Variants in KDM7A observed in about 807,000 individuals in gnomAD.
The protein encoded by KDM7A is lysine demethylase 7A, also known as lysine-specific demethylase 7A.
In KDM7A, 28 loss-of-function variants were observed where a neutral mutation model predicts 114.8. The ratio of observed to expected loss-of-function variants is 0.24; its 90% confidence interval spans 0.18 to 0.33. KDM7A has a LOEUF of 0.33. Among genes scored for constraint, KDM7A ranks in the 10% least tolerant of loss-of-function variants. KDM7A has a pLI of 1.00. For synonymous variants in KDM7A, 423 were observed against 397.8 expected, an observed-to-expected ratio of 1.06 and a Z score of -0.75; for missense variants, 942 against 1,142.5, an observed-to-expected ratio of 0.82 and a Z score of 2.53.
At chr7:140,170,609 A>C (rs1794628092) in intron 1 of KDM7A, among the ~76,000 whole-genome samples, 2 of 152,256 alleles carry the variant, frequency 1.3e-5, no homozygotes, top group Non-Finnish European at 2.9e-5. Flanking sequence ...TGATAATAAT[A>C]GCAATTACTC....
At chr7:140,092,706 A>G (rs1490091361) in intron 18 of KDM7A, among the ~76,000 whole-genome samples, 1 of 152,248 alleles carries the variant, frequency 6.6e-6, no homozygotes, top group African/African-American at 2.4e-5. Context: ...AACAGAGTAC[A>G]CTATAGTGTG....
At chr7:140,135,702 GTATATAT>G (rs892018735) in intron 2 of KDM7A, among the ~76,000 whole-genome samples, 5 of 152,038 alleles carry the variant, frequency 3.3e-5, no homozygotes, top group Middle Eastern at 6.8e-3. Context: ...ATTCATGTTT[GTATATAT>G]TAATGTTTCC....
intron 11 of KDM7A, among the ~76,000 whole-genome samples, chr7:140,103,869 C>T (rs1441267292): frequency 6.6e-6 from 1 of 152,154 alleles, no homozygotes; most frequent in Non-Finnish European, 1.5e-5. Context: ...AGTTCTAGAT[C>T]CCTGAGGAAT....
At chr7:140,140,614 A>T (rs1794258355) in intron 1 of KDM7A, among the ~76,000 whole-genome samples, 1 of 152,126 alleles carries the variant, frequency 6.6e-6, no homozygotes, top group Non-Finnish European at 1.5e-5. Flanking sequence ...TCTCTACTAA[A>T]AATACAAAAA....
intron 1 of KDM7A, among the ~76,000 whole-genome samples, chr7:140,159,802 A>C (rs1322252223): frequency 6.6e-6 from 1 of 152,180 alleles, no homozygotes; most frequent in East Asian, 1.9e-4. Flanking sequence ...TGCAATCAGC[A>C]TATCACTGGC....
At chr7:140,106,125 C>T (rs1156386297) in intron 11 of KDM7A, among the ~76,000 whole-genome samples, 6 of 152,104 alleles carry the variant, frequency 3.9e-5, no homozygotes, top group African/African-American at 7.2e-5. Flanking sequence ...TCTGTGGGAT[C>T]GGTGGTGATA....
chr7:140,119,338 C>CAT (rs1818581778), intron 8 of KDM7A, 119 bp from the exon 9 acceptor site: 1 of 519,612 alleles, frequency 1.9e-6, no homozygotes, highest in African/African-American at 1.9e-5. Context: ...AAGTATTTTA[C>CAT]ATTTCTTAGC....
chr7:140,171,873 T>C (rs1255841248), intron 1 of KDM7A, among the ~76,000 whole-genome samples: 1 of 152,126 alleles, frequency 6.6e-6, no homozygotes, highest in African/African-American at 2.4e-5. Flanking sequence ...TTTTTACAGC[T>C]TGGTATTCCA....
Position 140,115,765 on chromosome 7 carries a change from G to A in KDM7A, c.1247-2183C>T, listed in dbSNP as rs1818516403. Among the ~76,000 whole-genome samples the A allele has an allele frequency of 2.7e-5, 4 of 147,924 alleles. No individual in the cohort carries two copies. In the South Asian group the frequency reaches 8.5e-4, roughly 31 times the overall value. On this transcript the variant is annotated intron_variant, in intron 9 of 19. Transcript: ENST00000397560. The stretch of plus-strand genomic sequence containing the variant: ...CCATGACCCTGCCAAATCCCCCTCT[G>A]TGAGAAACACCCAAGAATTATCAAT...
intron 3 of KDM7A, among the ~76,000 whole-genome samples, chr7:140,130,747 G>A (rs1278106857): frequency 6.6e-6 from 1 of 151,750 alleles, no homozygotes; most frequent in Non-Finnish European, 1.5e-5. Flanking sequence ...CATATTGAAA[G>A]ATGACTAGCA....
intron 1 of KDM7A, among the ~76,000 whole-genome samples, chr7:140,151,646 A>G (rs983055462): frequency 6.6e-6 from 1 of 152,230 alleles, no homozygotes; most frequent in African/African-American, 2.4e-5. Context: ...TGTACAGGAA[A>G]AAAGGTCTTC....
intron 14 of KDM7A, among the ~76,000 whole-genome samples, chr7:140,098,634 A>G (rs1562945168): frequency 6.6e-6 from 1 of 152,172 alleles, no homozygotes; most frequent in Non-Finnish European, 1.5e-5. Context: ...AACTGACTAG[A>G]TGAGTGCAGC....
chr7:140,085,209 T>C lies in KDM7A; in HGVS notation c.*5885A>G, dbSNP rs1817905409. The C allele has an allele frequency of 6.7e-6, 1 of 148,450 alleles. No individual in the cohort carries two copies. The highest frequency in any genetic ancestry group is 1.5e-5 in the Non-Finnish European group (1 of 67,016). 9.2% of individuals were successfully genotyped at this position (148,450 alleles called of 1,614,324 possible). On this transcript the variant is annotated 3_prime_UTR_variant, in exon 20 of 20. Transcript: ENST00000397560. ...CCTATACAAACAAGACGAGACGCTA[T>C]TCCGCAGACACCCCCAACAAGAAGA...
At position 140,126,655 on chromosome 7, in the gene KDM7A, G is replaced by A; in HGVS notation, c.870C>T (p.Val290=). Residue 290 remains valine, a synonymous_variant, in exon 6 of 20, where the codon GTC becomes GTT. Coordinates refer to ENST00000397560, the MANE Select transcript of KDM7A (RefSeq NM_030647.2). ...DFHIDFGGTS[V]WYHVLWGEKI... ...ATCTTACCCAGAGGACATGGTACCA[G>A]ACTGAAGTTCCACCGAAGTCAATGT... 6.2e-7 allele frequency: 1 copy of A among 1,612,576 alleles called. No individual in the cohort carries two copies. Among genetic ancestry groups the A allele is most frequent in the East Asian group, 2.2e-5 (1 of 44,810 alleles).
At chr7:140,171,527 AT>A (rs1389402639) in intron 1 of KDM7A, among the ~76,000 whole-genome samples, 1 of 144,280 alleles carries the variant, frequency 6.9e-6, no homozygotes, top group Admixed American at 7.1e-5. Context: ...ATAAATATAT[AT>A]TTATTTATAT....
chr7:140,118,034 G>C (rs1392800915), intron 9 of KDM7A, among the ~76,000 whole-genome samples: 1 of 151,950 alleles, frequency 6.6e-6, no homozygotes, highest in Non-Finnish European at 1.5e-5. Flanking sequence ...GTAAATTTTT[G>C]GTTATTTCTT....
chr7:140,163,260 C>T (rs1436681938), intron 1 of KDM7A, among the ~76,000 whole-genome samples: 1 of 151,880 alleles, frequency 6.6e-6, no homozygotes, highest in Non-Finnish European at 1.5e-5. Context: ...TCCCAAAGTG[C>T]TGGGATTACA....
rs1817952880 is a variant in KDM7A at position 140,087,719 on chromosome 7, T to C, written c.*3375A>G. ...AGAACTTCGACAAAAGCCCAGGTCT[T>C]CTGCTTCCTTGCATGCTACACCAAG... On this transcript the variant is annotated 3_prime_UTR_variant, in exon 20 of 20. Transcript: ENST00000397560. 6.6e-6 allele frequency: 1 copy of C among 152,228 alleles called. No individual in the cohort carries two copies. The highest frequency in any genetic ancestry group is 2.4e-5 in the African/African-American group (1 of 41,466). The allele number at this position is 152,228 out of a possible 1,614,324, so 9.4% of individuals were successfully genotyped here. A position where few individuals can be genotyped will look rare whatever the true frequency, so the allele number is the denominator to read the frequency against.
chr7:140,102,840 T>C (rs953201850), intron 11 of KDM7A, among the ~76,000 whole-genome samples: 5 of 152,246 alleles, frequency 3.3e-5, no homozygotes, highest in Non-Finnish European at 5.9e-5. Context: ...ACTAAAATTA[T>C]ACATCTATGT....
Sources: allele counts gnomAD v4.1 joint callset (sites outside exome capture counted in the v4.1 genomes callset), GRCh38; gene constraint gnomAD v4.1.1; transcripts MANE v1.5; gene names NCBI Gene and HGNC (gene_info 2026-07-23, HGNC 2026-07-21).